The following HTR1D variants were observed in gnomAD, a reference collection of about 807,000 sequenced individuals.
HTR1D encodes the protein 5-hydroxytryptamine receptor 1D, also known as 5-HT-1D.
HTR1D carries 18 observed loss-of-function variants against 21.1 expected under a neutral mutation model. The ratio of observed to expected loss-of-function variants is 0.85; its 90% CI spans 0.59 to 1.27. The LOEUF (loss-of-function observed/expected upper bound fraction) is 1.27. HTR1D is among the 50% of genes most tolerant of loss of function. The probability of loss-of-function intolerance (pLI) is 0.00; values close to 1 mark genes in which losing one functional copy is unlikely to be tolerated. For missense variants in HTR1D, 456 were observed against 481.4 expected (o/e 0.95, Z 0.49); for synonymous variants, 196 against 204.4 (o/e 0.96, Z 0.35).
At chr1:23,201,239 C>A (rs1644708200) in intron 1 of HTR1D, among the ~76,000 whole-genome samples, 1 of 152,128 alleles carries the variant, frequency 6.6e-6, no homozygotes, top group Non-Finnish European at 1.5e-5. Context: ...AGTCAGGCTG[C>A]AGCCTTTACC....
At chr1:23,215,176 G>A (rs1644768143) in intron 1 of HTR1D, among the ~76,000 whole-genome samples, 1 of 152,180 alleles carries the variant, frequency 6.6e-6, no homozygotes, top group Non-Finnish European at 1.5e-5. Flanking sequence ...CAGCATTTTG[G>A]GAGGCCAAGG....
intron 1 of HTR1D, among the ~76,000 whole-genome samples, chr1:23,208,143 C>T (rs1644739144): frequency 6.6e-6 from 1 of 152,170 alleles, no homozygotes; most frequent in Admixed American, 6.5e-5. Context: ...AAATTCTTAC[C>T]ATCTGGCCAG....
In HTR1D at chr1:23,194,096, C is replaced by G; in HGVS notation, c.124G>C (p.Ala42Pro). ...RTLQALKISL[A>P]VVLSVITLAT... ...AGTGTGATGACGGAAAGGACCACGGCAAGGGAGATCTTGAGCGCCTGGAGG... is the reference window on the plus strand; with the variant it reads ...AGTGTGATGACGGAAAGGACCACGGGAAGGGAGATCTTGAGCGCCTGGAGG... The change falls in exon 2 of 2, where the codon GCC (alanine) becomes CCC (proline). Residue 42 changes from alanine (A) to proline (P), a missense_variant. Ala to Pro is a conservative substitution (Grantham distance 27). Transcript: ENST00000374619. 1.2e-6 allele frequency: 2 copies of G among 1,614,116 alleles called. No homozygotes were observed. The highest frequency in any genetic ancestry group is 1.7e-6 in the Non-Finnish European group (2 of 1,180,026).
intron 1 of HTR1D, among the ~76,000 whole-genome samples, chr1:23,215,382 A>C (rs1569770684): frequency 6.6e-6 from 1 of 152,074 alleles, no homozygotes; most frequent in Non-Finnish European, 1.5e-5. Context: ...ACACCACTAC[A>C]CTCCAGCCTG....
At chr1:23,196,805 G>A (rs1644690623) in intron 1 of HTR1D, among the ~76,000 whole-genome samples, 1 of 152,052 alleles carries the variant, frequency 6.6e-6, no homozygotes, top group African/African-American at 2.4e-5. Flanking sequence ...GAAAAACCAG[G>A]TCCAGAGCTC....
chr1:23,215,142 C>T (rs1569770457), intron 1 of HTR1D, among the ~76,000 whole-genome samples: 1 of 152,172 alleles, frequency 6.6e-6, no homozygotes, highest in South Asian at 2.1e-4. Flanking sequence ...GCAGGCCAGG[C>T]TCCATGGCTC....
intron 1 of HTR1D, among the ~76,000 whole-genome samples, chr1:23,198,648 C>T (rs1013933786): frequency 1.3e-5 from 2 of 152,122 alleles, no homozygotes; most frequent in Non-Finnish European, 2.9e-5. Context: ...ATGGCGTATT[C>T]CTATGATGGA....
At chr1:23,200,381 T>C (rs1202069925) in intron 1 of HTR1D, among the ~76,000 whole-genome samples, 1 of 152,206 alleles carries the variant, frequency 6.6e-6, no homozygotes, top group Non-Finnish European at 1.5e-5. Context: ...ACTGCTTCGC[T>C]TTCTTGCTGT....
intron 1 of HTR1D, among the ~76,000 whole-genome samples, chr1:23,201,070 G>T (rs532337336): frequency 9.9e-5 from 15 of 152,178 alleles, no homozygotes; most frequent in Admixed American, 5.2e-4. Context: ...CTGTTCCAGA[G>T]ACCACTTTTG....
At chr1:23,208,606 T>G (rs1410240820) in intron 1 of HTR1D, among the ~76,000 whole-genome samples, 2 of 150,320 alleles carry the variant, frequency 1.3e-5, no homozygotes, top group African/African-American at 4.9e-5. Context: ...AAAAAAAAAA[T>G]TAGCCAGGCA....
chr1:23,202,867 T>C (rs1279485994), intron 1 of HTR1D, among the ~76,000 whole-genome samples: 1 of 152,212 alleles, frequency 6.6e-6, no homozygotes, highest in Non-Finnish European at 1.5e-5. Context: ...CTCCCAGAGA[T>C]ATAATGAGGA....
rs111570664 is a variant in HTR1D at position 23,193,914 on chromosome 1, G to A, written c.306C>T (p.His102=). ...ACAAGATTTGGCCAAAGTTCCAGGT[G>A]TGGGTGATGGTATAGGCGATGCTGA... ...MPISIAYTIT[H]TWNFGQILCD... Residue 102 remains histidine (H), a synonymous_variant, in exon 2 of 2, where the codon CAC becomes CAT. Transcript: ENST00000374619. The A allele has an allele frequency of 3.9e-4, 629 of 1,614,252 alleles. 4 individuals carry two copies. In the African/African-American group the frequency reaches 7.5e-3, roughly 19 times the overall value.
intron 1 of HTR1D, among the ~76,000 whole-genome samples, chr1:23,204,018 A>G (rs1644719957): frequency 1.3e-5 from 2 of 152,170 alleles, no homozygotes; most frequent in Admixed American, 1.3e-4. Flanking sequence ...GCCTACTGCC[A>G]TGTAAGACAT....
chr1:23,215,238 G>A (rs1055311194), intron 1 of HTR1D, among the ~76,000 whole-genome samples: 5 of 152,052 alleles, frequency 3.3e-5, no homozygotes, highest in African/African-American at 7.2e-5. Flanking sequence ...GCAACATGGC[G>A]ACACCCTGTC....
At chr1:23,208,967 A>G (rs1161931089) in intron 1 of HTR1D, among the ~76,000 whole-genome samples, 1 of 151,574 alleles carries the variant, frequency 6.6e-6, no homozygotes, top group Non-Finnish European at 1.5e-5. Flanking sequence ...TTTTGGGTGT[A>G]GTAGGTTAAT....
intron 1 of HTR1D, among the ~76,000 whole-genome samples, chr1:23,210,500 T>C (rs959403624): frequency 2.0e-5 from 3 of 152,060 alleles, no homozygotes; most frequent in Non-Finnish European, 4.4e-5. Flanking sequence ...GAAGGACTCT[T>C]AGGAATCATC....
chr1:23,204,856 C>T (rs555005839), intron 1 of HTR1D, among the ~76,000 whole-genome samples: 16 of 152,228 alleles, frequency 1.1e-4, no homozygotes, highest in African/African-American at 3.1e-4. Flanking sequence ...GACACATGTG[C>T]GAGCCCAGCT....
chr1:23,210,324 C>A (rs746859388), intron 1 of HTR1D, among the ~76,000 whole-genome samples: 1 of 152,216 alleles, frequency 6.6e-6, no homozygotes, highest in Admixed American at 6.5e-5. Flanking sequence ...GTGATTCACT[C>A]GCCTCAACCT....
At chr1:23,195,621 T>G (rs1181039166) in intron 1 of HTR1D, among the ~76,000 whole-genome samples, 1 of 152,050 alleles carries the variant, frequency 6.6e-6, no homozygotes. Flanking sequence ...GTATTTTTAG[T>G]AGAGATGGGG....
Sources: gnomAD v4.1 joint callset for allele counts (sites outside exome capture counted in the v4.1 genomes callset) on GRCh38, gnomAD v4.1.1 for gene constraint, MANE v1.5 for transcripts, NCBI Gene and HGNC (gene_info 2026-07-23, HGNC 2026-07-21) for gene names.